MTOR: variants seen among roughly 807,000 people sequenced by gnomAD.
The protein encoded by MTOR is serine/threonine-protein kinase mTOR.
A neutral mutation model predicts 319.8 loss-of-function variants in MTOR; 70 were observed. The observed-to-expected ratio is 0.22, with a 90% CI of 0.18 to 0.27. MTOR has a LOEUF of 0.27. Ranked by LOEUF, MTOR falls within the 10% of genes least tolerant of loss-of-function variation. The pLI is 1.00. For missense variants in MTOR, 1,890 were observed against 3,274.4 expected (o/e 0.58, Z 10.32); for synonymous variants, 1,183 against 1,211.4 (o/e 0.98, Z 0.49).
At chr1:11,178,574 T>C (rs901668553) in intron 28 of MTOR, among the ~76,000 whole-genome samples, 10 of 152,238 alleles carry the variant, frequency 6.6e-5, no homozygotes, top group African/African-American at 2.2e-4. Context: ...TATCTTTTTA[T>C]TCTACAACAA....
chr1:11,177,079 C>T (rs1048369196), intron 28 of MTOR, among the ~76,000 whole-genome samples: 14 of 152,128 alleles, frequency 9.2e-5, no homozygotes, highest in African/African-American at 3.4e-4. Context: ...ATGATGAAGA[C>T]AGTACCTCTG....
chr1:11,249,041 T>C lies in MTOR; in HGVS notation c.841-947A>G, dbSNP rs78929318. The stretch of plus-strand genomic sequence containing the variant: ...GAGTTCGAGACCAGTCTGACCAACA[T>C]GGTGAAAACCCGTTTCTACTAAAAA... On this transcript the variant is annotated intron_variant, in intron 6 of 57. Transcript: ENST00000361445. Among the ~76,000 whole-genome samples, 586 of 152,218 alleles carry C rather than the reference T, an allele frequency of 3.8e-3. 2 individuals carry two copies. The highest frequency in any genetic ancestry group is 0.013 in the African/African-American group (546 of 41,542).
At position 11,121,154 on chromosome 1, in the gene MTOR, A is replaced by C; in HGVS notation, c.6933+92T>G. ...TCTACAGCCAATCACAGCAAAGAAG[A>C]GCCGCTGTGTGCACATGAACAGATG... is the stretch of plus-strand genomic sequence containing the variant. On this transcript the variant is annotated intron_variant, in intron 49 of 57. Transcript: ENST00000361445. The surrounding 1 kb of genome is among the most constrained non-coding windows in gnomAD (Gnocchi z 4.9). 1 of 1,529,212 alleles carries C rather than the reference A, an allele frequency of 6.5e-7. No homozygotes were observed. Among genetic ancestry groups the C allele is most frequent in the Non-Finnish European group, 8.8e-7 (1 of 1,135,818 alleles). The allele number at this position is 1,529,212 out of a possible 1,614,324, so 94.7% of individuals were successfully genotyped here.
chr1:11,228,437 C>A (rs1239895407), intron 19 of MTOR, among the ~76,000 whole-genome samples: 1 of 152,148 alleles, frequency 6.6e-6, no homozygotes. Context: ...GATCTGCCCA[C>A]TTCGGCCTCC....
intron 17 of MTOR, 66 bp from the exon 18 acceptor site, chr1:11,231,120 G>A (rs1647001905): frequency 6.2e-7 from 1 of 1,611,382 alleles, no homozygotes; most frequent in Non-Finnish European, 8.5e-7. Flanking sequence ...AAGTATCACG[G>A]ATACTCCTCT....
At chr1:11,124,954 C>T (rs1642746334) in intron 46 of MTOR, among the ~76,000 whole-genome samples, 1 of 152,202 alleles carries the variant, frequency 6.6e-6, no homozygotes, top group African/African-American at 2.4e-5. Flanking sequence ...CTCCTACAAG[C>T]CGCATCACCT....
In MTOR at chr1:11,110,000, A is replaced by AC. The variant is rs1393744052; in HGVS notation, c.7367-272_7367-271insG. On this transcript the variant is annotated intron_variant, in intron 54 of 57. Coordinates refer to ENST00000361445, the MANE Select transcript of MTOR (RefSeq NM_004958.4). This position sits in a 1 kb window ranked among gnomAD's most constrained non-coding sequence, Gnocchi z 4.0. ...AGCCTGAGACTCCATTTGCAAAAAAAAAAAAAAAAATTTTTAAATCTGTAA... is the reference window on the plus strand; with the variant it reads ...AGCCTGAGACTCCATTTGCAAAAAAACAAAAAAAAAATTTTTAAATCTGTAA... Among the ~76,000 whole-genome samples, 5 of 152,048 alleles carry AC rather than the reference A, an allele frequency of 3.3e-5. No individual in the cohort carries two copies. In the East Asian group the frequency reaches 9.7e-4, roughly 29 times the overall value.
intron 28 of MTOR, among the ~76,000 whole-genome samples, chr1:11,178,327 A>G (rs1645050303): frequency 2.0e-5 from 3 of 152,210 alleles, no homozygotes; most frequent in Admixed American, 2.0e-4. Flanking sequence ...ACAACCCAGA[A>G]TAAGGCAGAG....
intron 25 of MTOR, 69 bp downstream of exon 25, chr1:11,209,241 CAG>C: frequency 6.3e-7 from 1 of 1,587,926 alleles, no homozygotes; most frequent in African/African-American, 1.3e-5. Context: ...CCAGTTTAAA[CAG>C]TTAAAAGTTT....
rs925176375 is a variant in MTOR at position 11,115,619 on chromosome 1, T to C, written c.7017-151A>G. 8.8e-6 allele frequency: 6 copies of C among 682,854 alleles called. No homozygotes were observed. The highest frequency in any genetic ancestry group is 1.3e-5 in the Non-Finnish European group (5 of 379,226). 42.3% of individuals were successfully genotyped at this position (682,854 alleles called of 1,614,324 possible). A position where few individuals can be genotyped will look rare whatever the true frequency, so the allele number is the denominator to read the frequency against. ...ACCTCCACTTCTGCAAGTCCAGTTT[T>C]ACTGGAACACACAGCACGCTCCCTT... On this transcript the variant is annotated intron_variant, in intron 50 of 57. Transcript: ENST00000361445. The surrounding 1 kb of genome is among the most constrained non-coding windows in gnomAD (Gnocchi z 4.5).
At chr1:11,131,004 A>G in intron 38 of MTOR, 1 of 604,894 alleles carries the variant, frequency 1.7e-6, no homozygotes, top group South Asian at 2.0e-5. Context: ...CACTGCGAGA[A>G]GGGCACAGCA....
chr1:11,187,982 GA>G (rs373610043), intron 28 of MTOR, among the ~76,000 whole-genome samples: 10,044 of 148,182 alleles, frequency 0.068, 489 homozygotes, highest in African/African-American at 0.13. Context: ...TTGATTCTGA[GA>G]AAAAAAAAAA....
At chr1:11,259,110 T>C in intron 2 of MTOR, 138 bp downstream of exon 2, 1 of 1,015,872 alleles carries the variant, frequency 9.8e-7, no homozygotes, top group South Asian at 1.7e-5. Context: ...GTTTTATGGA[T>C]GTGACAGGTT....
In MTOR at chr1:11,121,903, G is replaced by T; in HGVS notation, c.6810+76C>A. ...GATTTTTCAGTGACAGACATACAGA[G>T]AGGAATGAGAAAAGCAGCGCTACGG... On this transcript the variant is annotated intron_variant, in intron 48 of 57. Coordinates refer to ENST00000361445, the MANE Select transcript of MTOR (RefSeq NM_004958.4). The surrounding 1 kb of genome is among the most constrained non-coding windows in gnomAD (Gnocchi z 4.9). 1.3e-6 allele frequency: 2 copies of T among 1,558,808 alleles called. No homozygotes were observed. The highest frequency in any genetic ancestry group is 2.3e-5 in the East Asian group (1 of 44,114).
intron 19 of MTOR, among the ~76,000 whole-genome samples, chr1:11,223,169 C>CTT (rs79432739): frequency 2.2e-5 from 3 of 139,142 alleles, no homozygotes; most frequent in African/African-American, 2.6e-5. Flanking sequence ...AAATACATGA[C>CTT]TTTTTTTTTT....
At chr1:11,224,273 G>C (rs1030978764) in intron 19 of MTOR, among the ~76,000 whole-genome samples, 1 of 151,936 alleles carries the variant, frequency 6.6e-6, no homozygotes, top group Non-Finnish European at 1.5e-5. Flanking sequence ...CCAAAAAAAA[G>C]CTGGTACAGC....
chr1:11,162,067 A>T (rs1644493806), intron 29 of MTOR, among the ~76,000 whole-genome samples: 1 of 152,204 alleles, frequency 6.6e-6, no homozygotes, highest in Non-Finnish European at 1.5e-5. Flanking sequence ...AACTAGAATA[A>T]CTGGTGTAGA....
Position 11,229,397 on chromosome 1 carries a change from C to T in MTOR, c.2780-479G>A, listed in dbSNP as rs527667809. Among the ~76,000 whole-genome samples the T allele has an allele frequency of 2.6e-5, 4 of 152,274 alleles. No individual in the cohort carries two copies. In the South Asian group the frequency reaches 8.3e-4, roughly 32 times the overall value. On this transcript the variant is annotated intron_variant, in intron 18 of 57. Transcript: ENST00000361445. The stretch of plus-strand genomic sequence containing the variant: ...AGGACCTCAAGGACTCTGACGGTGG[C>T]AGCGGGGGCAGTGGCAAGGGAGGGA...
intron 8 of MTOR, among the ~76,000 whole-genome samples, chr1:11,246,469 T>C (rs1434370630): frequency 6.6e-6 from 1 of 151,998 alleles, no homozygotes; most frequent in African/African-American, 2.4e-5. Flanking sequence ...AAAATACGGG[T>C]GATTTTCCTT....
Sources: gnomAD v4.1 joint callset for allele counts (sites outside exome capture counted in the v4.1 genomes callset) on GRCh38, gnomAD v4.1.1 for gene constraint, Gnocchi (gnomAD v3.1) non-coding constraint, MANE v1.5 for transcripts, NCBI Gene and HGNC (gene_info 2026-07-23, HGNC 2026-07-21) for gene names.